Variants in SLC2A13 observed in about 807,000 individuals in gnomAD.
The protein encoded by SLC2A13 is proton myo-inositol cotransporter.
Under a neutral mutation model 64.4 loss-of-function variants are expected in SLC2A13, and 32 were observed. The ratio of observed to expected loss-of-function variants is 0.50; its 90% confidence interval spans 0.37 to 0.67. The LOEUF is 0.67. SLC2A13 is among the 30% of genes least tolerant of loss of function. SLC2A13 has a pLI of 0.00. For missense variants in SLC2A13, 743 were observed against 829.2 expected (o/e 0.90, Z 1.28); for synonymous variants, 338 against 327.1 (o/e 1.03, Z -0.36).
intron 3 of SLC2A13, among the ~76,000 whole-genome samples, chr12:40,008,670 A>T (rs184502156): frequency 1.6e-4 from 24 of 152,274 alleles, no homozygotes; most frequent in African/African-American, 5.3e-4. Flanking sequence ...ATATTGTAAG[A>T]TGATACCTGA....
At chr12:39,823,677 G>A (rs1270074376) in intron 7 of SLC2A13, among the ~76,000 whole-genome samples, 1 of 152,010 alleles carries the variant, frequency 6.6e-6, no homozygotes, top group African/African-American at 2.4e-5. Context: ...TTAAACTCCT[G>A]GGCTCAAGTG....
intron 3 of SLC2A13, among the ~76,000 whole-genome samples, chr12:40,018,592 C>T (rs775838373): frequency 7.9e-5 from 12 of 152,190 alleles, no homozygotes; most frequent in Non-Finnish European, 1.5e-5. Flanking sequence ...TTTTTGTCAA[C>T]CGAACAATAA....
intron 4 of SLC2A13, among the ~76,000 whole-genome samples, chr12:39,938,051 C>T (rs11174374): frequency 0.086 from 13,098 of 152,048 alleles, 703 homozygotes; most frequent in East Asian, 0.19. Context: ...CCTGTATCGA[C>T]GGGTAGAGGG....
chr12:40,086,748 T>C (rs879428089), intron 1 of SLC2A13, among the ~76,000 whole-genome samples: 1 of 152,230 alleles, frequency 6.6e-6, no homozygotes, highest in Non-Finnish European at 1.5e-5. Context: ...ACTAAACTGA[T>C]AGGTAGTGCG....
At chr12:39,878,802 T>G (rs1244005596) in intron 4 of SLC2A13, among the ~76,000 whole-genome samples, 1 of 152,148 alleles carries the variant, frequency 6.6e-6, no homozygotes, top group Non-Finnish European at 1.5e-5. Flanking sequence ...GCTAGAGAAA[T>G]TTGCATAACT....
intron 7 of SLC2A13, among the ~76,000 whole-genome samples, chr12:39,777,251 A>T (rs1418378153): frequency 2.6e-5 from 4 of 152,242 alleles, no homozygotes; most frequent in Admixed American, 1.3e-4. Context: ...TAAACTGAGT[A>T]AAGGCAGGGA....
At chr12:39,968,758 TGGTATATATATA>T (rs1565567162) in intron 3 of SLC2A13, among the ~76,000 whole-genome samples, 1 of 81,348 alleles carries the variant, frequency 1.2e-5, no homozygotes, top group Non-Finnish European at 2.5e-5. Flanking sequence ...TGTTTTTTTT[TGGTATATATATA>T]TATATATATA....
At chr12:39,930,071 C>A (rs532931357) in intron 4 of SLC2A13, among the ~76,000 whole-genome samples, 2 of 149,648 alleles carry the variant, frequency 1.3e-5, no homozygotes, top group African/African-American at 4.9e-5. Flanking sequence ...GCAGAGGTTG[C>A]AGTGTGTGGA....
At chr12:40,090,242 T>C (rs1371796295) in intron 1 of SLC2A13, among the ~76,000 whole-genome samples, 7 of 152,206 alleles carry the variant, frequency 4.6e-5, no homozygotes, top group African/African-American at 1.7e-4. Flanking sequence ...TCAGACTCTT[T>C]TCTAAATGCT....
chr12:40,061,563 C>G (rs191197404), intron 1 of SLC2A13, among the ~76,000 whole-genome samples: 1 of 152,044 alleles, frequency 6.6e-6, no homozygotes, highest in Non-Finnish European at 1.5e-5. Flanking sequence ...CTATTAGGCA[C>G]GGCAAGTAAT....
chr12:39,959,674 C>A (rs964869818), intron 3 of SLC2A13, among the ~76,000 whole-genome samples: 1 of 152,176 alleles, frequency 6.6e-6, no homozygotes, highest in African/African-American at 2.4e-5. Flanking sequence ...CAATTCTCAA[C>A]TGAACGAATT....
chr12:39,788,403 A>G (rs569145894), intron 7 of SLC2A13, among the ~76,000 whole-genome samples: 5 of 152,300 alleles, frequency 3.3e-5, no homozygotes, highest in Non-Finnish European at 7.4e-5. Flanking sequence ...TGAGAAGACT[A>G]CTAAATGATT....
intron 4 of SLC2A13, among the ~76,000 whole-genome samples, chr12:39,930,904 C>A (rs1172438105): frequency 6.6e-6 from 1 of 152,130 alleles, no homozygotes; most frequent in Non-Finnish European, 1.5e-5. Context: ...TTGATTCATA[C>A]CCTACAATTA....
intron 4 of SLC2A13, among the ~76,000 whole-genome samples, chr12:39,900,242 T>A (rs921112864): frequency 3.3e-5 from 5 of 152,086 alleles, no homozygotes; most frequent in Non-Finnish European, 7.4e-5. Context: ...TCATACTGAA[T>A]GGGCAAAAAC....
At chr12:40,028,209 T>G in intron 3 of SLC2A13, 92 bp downstream of exon 3, 1 of 667,208 alleles carries the variant, frequency 1.5e-6, no homozygotes, top group South Asian at 4.0e-5. Context: ...ACCCATATAT[T>G]AAAAATATAT....
chr12:39,760,208 A>C lies in SLC2A13; in HGVS notation c.1765T>G (p.Phe589Val), dbSNP rs1363873796. The change falls in exon 10 of 10, where the codon TTC (phenylalanine) becomes GTC (valine). Residue 589 changes from phenylalanine (F) to valine (V), a missense_variant. Transcript: ENST00000280871. ...GTCTCAGGAAGACAGCCATAGATGA[A>C]AAGGAGTCCCACAGCAGCAAATCCA... ...YAGFAAVGLL[F>V]IYGCLPETKG... 1.2e-6 allele frequency: 2 copies of C among 1,612,828 alleles called. No homozygotes were observed. Among genetic ancestry groups the C allele is most frequent in the Non-Finnish European group, 1.7e-6 (2 of 1,179,294 alleles).
intron 3 of SLC2A13, among the ~76,000 whole-genome samples, chr12:40,023,068 G>A (rs891024785): frequency 6.6e-6 from 1 of 152,160 alleles, no homozygotes; most frequent in Admixed American, 6.5e-5. Context: ...TTGCACTGAT[G>A]CTGTCCTAAT....
chr12:39,899,686 G>A (rs1299533118), intron 4 of SLC2A13, among the ~76,000 whole-genome samples: 2 of 151,816 alleles, frequency 1.3e-5, no homozygotes, highest in Non-Finnish European at 2.9e-5. Context: ...TTGTGTCTTT[G>A]TTCTCGTTGG....
chr12:39,992,969 C>G, intron 3 of SLC2A13, among the ~76,000 whole-genome samples: 1 of 152,116 alleles, frequency 6.6e-6, no homozygotes, highest in East Asian at 1.9e-4. Flanking sequence ...AATTTGCTGA[C>G]TTAAATATTT....
Sources: allele counts gnomAD v4.1 joint callset (sites outside exome capture counted in the v4.1 genomes callset), GRCh38; gene constraint gnomAD v4.1.1; transcripts MANE v1.5; gene names NCBI Gene and HGNC (gene_info 2026-07-23, HGNC 2026-07-21).